The following PALM2AKAP2 variants were observed in gnomAD, a reference collection of about 807,000 sequenced individuals.
PALM2AKAP2 encodes the protein PALM2-AKAP2 fusion protein.
Under a neutral mutation model 71.5 loss-of-function variants are expected in PALM2AKAP2, and 37 were observed. The observed-to-expected ratio is 0.52, with a 90% CI of 0.40 to 0.68. The LOEUF (loss-of-function observed/expected upper bound fraction) is 0.68, where lower values mean the gene tolerates loss of function less well. Among genes scored for constraint, PALM2AKAP2 ranks in the 30% least tolerant of loss-of-function variants. The pLI is 0.00. For synonymous variants in PALM2AKAP2, 468 were observed against 478.8 expected (o/e 0.98, Z 0.29); for missense variants, 1,224 against 1,191.8 (o/e 1.03, Z -0.40).
intron 6 of PALM2AKAP2, among the ~76,000 whole-genome samples, chr9:110,002,183 C>T (rs1486797115): frequency 2.0e-5 from 3 of 151,990 alleles, no homozygotes; most frequent in South Asian, 2.1e-4. Context: ...TTTTGAGATA[C>T]GTCCCATCAA....
At chr9:109,894,463 G>A (rs929733513) in intron 3 of PALM2AKAP2, among the ~76,000 whole-genome samples, 2 of 152,202 alleles carry the variant, frequency 1.3e-5, no homozygotes, top group Admixed American at 6.5e-5. Context: ...GTATGGTCCA[G>A]GGACTGCTTC....
At chr9:109,719,428 A>G (rs1180544307) in intron 1 of PALM2AKAP2, among the ~76,000 whole-genome samples, 3 of 152,160 alleles carry the variant, frequency 2.0e-5, no homozygotes, top group African/African-American at 7.2e-5. Flanking sequence ...TGTAAATAAG[A>G]GATAGTTAGA....
intron 1 of PALM2AKAP2, among the ~76,000 whole-genome samples, chr9:109,791,174 T>C (rs1485964424): frequency 3.9e-5 from 6 of 152,212 alleles, no homozygotes; most frequent in Admixed American, 2.0e-4. Flanking sequence ...GTAGCCTGTT[T>C]ACTCCCCATC....
chr9:109,776,110 G>A (rs1054807886), upstream of PALM2AKAP2, among the ~76,000 whole-genome samples: 10 of 152,126 alleles, frequency 6.6e-5, no homozygotes, highest in African/African-American at 1.4e-4. Flanking sequence ...ACTAGACTAC[G>A]ATTTTTTTTC....
At chr9:109,822,449 G>T (rs1016229101) in intron 1 of PALM2AKAP2, among the ~76,000 whole-genome samples, 1 of 152,106 alleles carries the variant, frequency 6.6e-6, no homozygotes, top group African/African-American at 2.4e-5. Flanking sequence ...GTCACGGGGG[G>T]TTGGTGTACA....
At position 109,984,488 on chromosome 9, in the gene PALM2AKAP2, T is replaced by C. The variant is rs573561474; in HGVS notation, c.497-31466T>C. Among the ~76,000 whole-genome samples, 23 of 150,960 alleles carry C rather than the reference T, an allele frequency of 1.5e-4. No individual in the cohort carries two copies. The South Asian group carries it at 4.4e-3, about 29-fold the overall frequency. ...ATTTGAGTAACAAAGCGAGACTAGATTGAGCAACAAAATGAGGCCCTACAA... is the reference window on the plus strand; with the variant it reads ...ATTTGAGTAACAAAGCGAGACTAGACTGAGCAACAAAATGAGGCCCTACAA... On this transcript the variant is annotated intron_variant, in intron 6 of 9. Coordinates refer to the PALM2AKAP2 transcript ENST00000302798.
chr9:110,047,602 G>T (rs1245370907), upstream of PALM2AKAP2, among the ~76,000 whole-genome samples: 1 of 152,198 alleles, frequency 6.6e-6, no homozygotes, highest in Non-Finnish European at 1.5e-5. Context: ...AACTGAGAGT[G>T]CAAGGGCGAC....
At chr9:109,786,810 T>G (rs1331463983) in intron 1 of PALM2AKAP2, among the ~76,000 whole-genome samples, 3 of 151,548 alleles carry the variant, frequency 2.0e-5, no homozygotes, top group African/African-American at 7.3e-5. Flanking sequence ...AAAAAAAAAG[T>G]CATCATAGAA....
intron 6 of PALM2AKAP2, among the ~76,000 whole-genome samples, chr9:109,996,640 C>T (rs1832580693): frequency 6.6e-6 from 1 of 152,206 alleles, no homozygotes; most frequent in Non-Finnish European, 1.5e-5. Context: ...TGTTGAAACA[C>T]CCAGTTTTCT....
At chr9:109,779,030 A>G (rs1477056754), upstream of PALM2AKAP2, among the ~76,000 whole-genome samples, 5 of 152,182 alleles carry the variant, frequency 3.3e-5, no homozygotes, top group African/African-American at 1.2e-4. Context: ...TTGGCCTCCC[A>G]AAGTGCTGGG....
At chr9:109,710,517 C>T (rs1161476084) in intron 1 of PALM2AKAP2, among the ~76,000 whole-genome samples, 1 of 152,154 alleles carries the variant, frequency 6.6e-6, no homozygotes, top group Non-Finnish European at 1.5e-5. Context: ...GACACTGTCG[C>T]AAGTTAGTAT....
At chr9:110,058,968 C>T (rs1833904214) in intron 1 of PALM2AKAP2, among the ~76,000 whole-genome samples, 1 of 135,884 alleles carries the variant, frequency 7.4e-6, no homozygotes, top group South Asian at 2.4e-4. Context: ...GGTGCAATCT[C>T]GGCTCACTGC....
intron 7 of PALM2AKAP2, among the ~76,000 whole-genome samples, chr9:110,040,916 T>C (rs1564274194): frequency 1.3e-5 from 2 of 152,202 alleles, no homozygotes; most frequent in African/African-American, 2.4e-5. Flanking sequence ...TTCAGTGCCA[T>C]GCTTAAAGAG....
intron 1 of PALM2AKAP2, among the ~76,000 whole-genome samples, chr9:109,782,824 G>A (rs78188211): frequency 2.0e-5 from 3 of 151,684 alleles, no homozygotes; most frequent in African/African-American, 4.9e-5. Flanking sequence ...AGGGAGTTGG[G>A]TGGGGGGACT....
At chr9:109,987,787 T>C (rs1348510775) in intron 6 of PALM2AKAP2, among the ~76,000 whole-genome samples, 1 of 152,248 alleles carries the variant, frequency 6.6e-6, no homozygotes, top group Non-Finnish European at 1.5e-5. Context: ...TTGTGAAGGA[T>C]GTCCTCATGG....
chr9:109,835,526 G>T (rs1828446484), intron 1 of PALM2AKAP2, among the ~76,000 whole-genome samples: 1 of 152,158 alleles, frequency 6.6e-6, no homozygotes, highest in South Asian at 2.1e-4. Flanking sequence ...TTGTCGGACA[G>T]TGGGTGCAGG....
At chr9:110,137,526 T>C in exon 2 of PALM2AKAP2, 2 of 1,614,184 alleles carry the variant, frequency 1.2e-6, no homozygotes, top group Non-Finnish European at 1.7e-6. Context: ...TTATCTAAAC[T>C]GTGGGCTGAG....
chr9:109,733,113 A>C lies in PALM2AKAP2; in HGVS notation c.6-47375A>C, dbSNP rs544710079. 1.2e-4 allele frequency among the ~76,000 whole-genome samples: 19 copies of C among 152,312 alleles called. No homozygotes were observed. The South Asian group carries it at 3.7e-3, about 30-fold the overall frequency. ...GAAAAGAATGATTCCATTAATGTAT[A>C]TAAGAAAAGGGCAGGGATTTAGAGG... is the stretch of plus-strand genomic sequence containing the variant. On this transcript the variant is annotated intron_variant, in intron 1 of 6. Coordinates refer to the PALM2AKAP2 transcript ENST00000374531.
chr9:109,846,430 A>G (rs2769151), intron 1 of PALM2AKAP2, among the ~76,000 whole-genome samples: 98,299 of 151,994 alleles, frequency 0.65, 32,766 homozygotes, highest in Admixed American at 0.72. Context: ...GCCCATTGTG[A>G]CTCTTGCTTG....
Sources: gnomAD v4.1 joint callset for allele counts (sites outside exome capture counted in the v4.1 genomes callset) on GRCh38, gnomAD v4.1.1 for gene constraint, MANE v1.5 for transcripts, NCBI Gene and HGNC (gene_info 2026-07-23, HGNC 2026-07-21) for gene names.